ATP8A1: variants seen among roughly 807,000 people sequenced by gnomAD.
The protein encoded by ATP8A1 is phospholipid-transporting ATPase IA.
In ATP8A1, 90 loss-of-function variants were observed where a neutral mutation model predicts 177.7. The observed-to-expected ratio is 0.51, with a 90% CI of 0.43 to 0.60. The LOEUF (loss-of-function observed/expected upper bound fraction) is 0.60, where lower values mean the gene tolerates loss of function less well. ATP8A1 is among the 20% of genes least tolerant of loss of function. The pLI is 0.00. For missense variants in ATP8A1, 1,072 were observed against 1,392.8 expected (o/e 0.77, Z 3.67); for synonymous variants, 493 against 485.9 (o/e 1.01, Z -0.19).
At chr4:42,438,186 G>A (rs534835227) in intron 33 of ATP8A1, among the ~76,000 whole-genome samples, 1 of 152,230 alleles carries the variant, frequency 6.6e-6, no homozygotes, top group Admixed American at 6.5e-5. Context: ...AATCAGGCTG[G>A]GTTCACACTG....
rs754064124 is a variant in ATP8A1, at chr4:42,518,687, T to C, written c.1947+3473A>G. On this transcript the variant is annotated intron_variant, in intron 22 of 36. Transcript: ENST00000381668. ...TGACATGCTAAGTCCAATAATGACA[T>C]GCTAAGTCCAATATTATGGTCTACG... Among the ~76,000 whole-genome samples the C allele has an allele frequency of 8.7e-4, 132 of 152,376 alleles. 1 individual carries two copies. The highest frequency in any genetic ancestry group is 1.6e-3 in the Non-Finnish European group (108 of 68,042).
intron 33 of ATP8A1, among the ~76,000 whole-genome samples, chr4:42,440,465 C>T (rs1039106289): frequency 6.6e-6 from 1 of 151,494 alleles, no homozygotes; most frequent in African/African-American, 2.4e-5. Context: ...TAAACATTTC[C>T]ATATTTCATT....
intron 15 of ATP8A1, chr4:42,562,442 G>C (rs999962332): frequency 3.9e-5 from 6 of 154,414 alleles, no homozygotes; most frequent in African/African-American, 1.4e-4. Flanking sequence ...CTCTGGCCTT[G>C]GGACCTGGCT....
Position 42,621,951 on chromosome 4 carries a change from G to A in ATP8A1, c.363+2585C>T, listed in dbSNP as rs932998453. On this transcript the variant is annotated intron_variant, in intron 4 of 36. Coordinates refer to ENST00000381668, the MANE Select transcript of ATP8A1 (RefSeq NM_006095.2). ...GCACACCTACAACCATCTGATCTTCGACAAAGCTGACAAAAACAAGCAATG... is the reference window on the plus strand; with the variant it reads ...GCACACCTACAACCATCTGATCTTCAACAAAGCTGACAAAAACAAGCAATG... Among the ~76,000 whole-genome samples, 6 of 152,192 alleles carry A rather than the reference G, an allele frequency of 3.9e-5. No individual in the cohort carries two copies. The East Asian group carries it at 1.2e-3, about 29-fold the overall frequency.
At chr4:42,488,715 G>T (rs1722452030) in intron 24 of ATP8A1, among the ~76,000 whole-genome samples, 1 of 151,976 alleles carries the variant, frequency 6.6e-6, no homozygotes. Flanking sequence ...GGTTTCTTTT[G>T]TTTCCCTCTT....
At position 42,637,773 on chromosome 4, in the gene ATP8A1, A is replaced by G. The variant is rs189361756; in HGVS notation, c.50-10664T>C. 2.2e-4 allele frequency among the ~76,000 whole-genome samples: 33 copies of G among 152,256 alleles called. No individual in the cohort carries two copies. In the East Asian group the frequency reaches 5.8e-3, roughly 27 times the overall value. On this transcript the variant is annotated intron_variant, in intron 1 of 36. Coordinates refer to ENST00000381668, the MANE Select transcript of ATP8A1 (RefSeq NM_006095.2). Reference sequence around the variant, plus strand: ...ACTCTGTCCTTTGCTGGTCTATTACACCTCAACAGTATTTCCAGTTCAGAC... The same window carrying G: ...ACTCTGTCCTTTGCTGGTCTATTACGCCTCAACAGTATTTCCAGTTCAGAC...
At position 42,602,819 on chromosome 4, in the gene ATP8A1, A is replaced by C. The variant is rs180919379; in HGVS notation, c.410-2301T>G. ...ATAAATAAATAAATAAATAAATGAG[A>C]GCTCCCCTTTAATTATGTAACCCAG... is the stretch of plus-strand genomic sequence containing the variant. On this transcript the variant is annotated intron_variant, in intron 5 of 36. Coordinates refer to ENST00000381668, the MANE Select transcript of ATP8A1 (RefSeq NM_006095.2). 3.0e-3 allele frequency among the ~76,000 whole-genome samples: 443 copies of C among 149,354 alleles called. 5 individuals are homozygous for C. Among genetic ancestry groups the C allele is most frequent in the African/African-American group, 0.011 (421 of 40,044 alleles).
chr4:42,611,752 C>T (rs1302996237), intron 5 of ATP8A1, among the ~76,000 whole-genome samples: 3 of 152,196 alleles, frequency 2.0e-5, no homozygotes, highest in Non-Finnish European at 4.4e-5. Flanking sequence ...TCAATCACCA[C>T]AATAAATTCA....
rs116584081 is a variant in ATP8A1 at position 42,490,983 on chromosome 4, T to C, written c.2152-5315A>G. Among the ~76,000 whole-genome samples the C allele has an allele frequency of 1.2e-3, 185 of 152,280 alleles. 1 individual carries two copies. Among genetic ancestry groups the C allele is most frequent in the African/African-American group, 4.3e-3 (177 of 41,550 alleles). ...AAATTATTAATGATTGGAGAATATC[T>C]TATAGGAAGTTAAAGTGGTTTTCTT... On this transcript the variant is annotated intron_variant, in intron 24 of 36. Coordinates refer to ENST00000381668, the MANE Select transcript of ATP8A1 (RefSeq NM_006095.2).
chr4:42,612,230 CTTCTT>C (rs1197384304), intron 5 of ATP8A1, among the ~76,000 whole-genome samples: 3 of 151,898 alleles, frequency 2.0e-5, no homozygotes, highest in African/African-American at 7.3e-5. Context: ...TTCAGGAAGG[CTTCTT>C]TTCATTTCCA....
At chr4:42,568,897 T>C (rs1177607046) in intron 15 of ATP8A1, among the ~76,000 whole-genome samples, 1 of 152,124 alleles carries the variant, frequency 6.6e-6, no homozygotes, top group Admixed American at 6.5e-5. Context: ...CACTCTGGAA[T>C]TGATCATTAG....
intron 24 of ATP8A1, among the ~76,000 whole-genome samples, chr4:42,492,246 C>T (rs1304738054): frequency 6.6e-6 from 1 of 151,970 alleles, no homozygotes; most frequent in African/African-American, 2.4e-5. Flanking sequence ...TAAATGTGTG[C>T]AGGTCAAATG....
intron 15 of ATP8A1, among the ~76,000 whole-genome samples, chr4:42,566,014 G>T (rs1177573809): frequency 6.6e-6 from 1 of 152,132 alleles, no homozygotes; most frequent in African/African-American, 2.4e-5. Flanking sequence ...TTAATCTGCA[G>T]TAGGTAGCTA....
At chr4:42,569,131 C>T (rs1577608532) in intron 15 of ATP8A1, 30 bp downstream of exon 15, 2 of 1,554,768 alleles carry the variant, frequency 1.3e-6, no homozygotes, top group African/African-American at 1.4e-5. Flanking sequence ...TTATAGGGAT[C>T]AATGAGGCAG....
Position 42,412,716 on chromosome 4 carries a change from T to C in ATP8A1, c.*200A>G. The C allele has an allele frequency of 2.2e-6, 1 of 460,996 alleles. No homozygotes were observed. The highest frequency in any genetic ancestry group is 3.8e-6 in the Non-Finnish European group (1 of 260,358). 28.6% of individuals were successfully genotyped at this position (460,996 alleles called of 1,614,324 possible). On this transcript the variant is annotated 3_prime_UTR_variant, in exon 37 of 37. Transcript: ENST00000381668. The stretch of plus-strand genomic sequence containing the variant: ...AGACTTAGCAAATACCTTAAAAAAA[T>C]CCAAAAGAGATGGTGTTACAGTACA...
chr4:42,538,644 A>G lies in ATP8A1; in HGVS notation c.1722+5273T>C, dbSNP rs552226947. On this transcript the variant is annotated intron_variant, in intron 20 of 36. Coordinates refer to ENST00000381668, the MANE Select transcript of ATP8A1 (RefSeq NM_006095.2). Reference sequence around the variant, plus strand: ...AAGAAGATATACAAATGGTGAACAAACACATGAAAAAATGCTCAACATCAC... The same window carrying G: ...AAGAAGATATACAAATGGTGAACAAGCACATGAAAAAATGCTCAACATCAC... 2.6e-5 allele frequency among the ~76,000 whole-genome samples: 4 copies of G among 152,340 alleles called. No homozygotes were observed. In the East Asian group the frequency reaches 5.8e-4, roughly 22 times the overall value.
chr4:42,590,969 C>T, intron 6 of ATP8A1, 85 bp from the exon 7 acceptor site: 1 of 1,219,032 alleles, frequency 8.2e-7, no homozygotes, highest in East Asian at 2.4e-5. Context: ...ACAAAAGAGA[C>T]AGAAAGTTCG....
chr4:42,460,090 C>T (rs964686145), intron 27 of ATP8A1, among the ~76,000 whole-genome samples: 9 of 152,168 alleles, frequency 5.9e-5, no homozygotes, highest in Admixed American at 1.3e-4. Flanking sequence ...TGCGCCTGGC[C>T]TGTATTAGGT....
intron 7 of ATP8A1, 120 bp downstream of exon 7, chr4:42,590,689 GTA>G: frequency 1.2e-6 from 1 of 810,576 alleles, no homozygotes. Context: ...TCACCAAGCA[GTA>G]TAAAAAGTTT....
Sources: gnomAD v4.1 joint callset for allele counts (sites outside exome capture counted in the v4.1 genomes callset) on GRCh38, gnomAD v4.1.1 for gene constraint, MANE v1.5 for transcripts, NCBI Gene and HGNC (gene_info 2026-07-23, HGNC 2026-07-21) for gene names.